The following CDIN1 variants were observed in gnomAD, a reference collection of about 807,000 sequenced individuals.
The protein encoded by CDIN1 is CDAN1 interacting nuclease 1.
Under a neutral mutation model 45.3 loss-of-function variants are expected in CDIN1, and 33 were observed. The ratio of observed to expected loss-of-function variants is 0.73; its 90% CI spans 0.55 to 0.97. The LOEUF (loss-of-function observed/expected upper bound fraction) is 0.97, where lower values mean the gene tolerates loss of function less well. CDIN1 is among the 50% of genes least tolerant of loss of function. The pLI is 0.00. For missense variants in CDIN1, 303 were observed against 339.4 expected, an observed-to-expected ratio of 0.89 and a Z score of 0.84; for synonymous variants, 118 against 124.4, an observed-to-expected ratio of 0.95 and a Z score of 0.34.
chr15:36,792,960 T>C (rs966564369), intron 10 of CDIN1, among the ~76,000 whole-genome samples: 4 of 152,244 alleles, frequency 2.6e-5, no homozygotes, highest in Non-Finnish European at 1.5e-5. Flanking sequence ...TCCTGAACTT[T>C]CCTGCACCGT....
intron 1 of CDIN1, among the ~76,000 whole-genome samples, chr15:36,625,243 T>G (rs991160379): frequency 7.3e-5 from 11 of 150,928 alleles, no homozygotes. Context: ...ATTGCGCCAC[T>G]GCACTCCAGC....
chr15:36,754,094 T>G (rs144363131), intron 10 of CDIN1, among the ~76,000 whole-genome samples: 1 of 152,312 alleles, frequency 6.6e-6, no homozygotes, highest in East Asian at 1.9e-4. Flanking sequence ...TTGTACAGAC[T>G]TATGCGTGGG....
chr15:36,612,114 A>T (rs2038677429), intron 1 of CDIN1, among the ~76,000 whole-genome samples: 1 of 152,218 alleles, frequency 6.6e-6, no homozygotes, highest in East Asian at 1.9e-4. Context: ...CATGACTTCC[A>T]AGAACAGAGG....
At chr15:36,803,531 C>T (rs2055119409) in intron 10 of CDIN1, among the ~76,000 whole-genome samples, 1 of 152,088 alleles carries the variant, frequency 6.6e-6, no homozygotes, top group African/African-American at 2.4e-5. Context: ...TTAATGAAAG[C>T]CCAGCCTTGA....
chr15:36,670,160 A>G (rs2041395584), intron 5 of CDIN1, among the ~76,000 whole-genome samples: 1 of 152,068 alleles, frequency 6.6e-6, no homozygotes, highest in South Asian at 2.1e-4. Flanking sequence ...AGTCCCACTA[A>G]ACAACTTTTA....
intron 10 of CDIN1, among the ~76,000 whole-genome samples, chr15:36,726,222 T>C (rs2043619433): frequency 6.6e-6 from 1 of 152,208 alleles, no homozygotes; most frequent in South Asian, 2.1e-4. Context: ...ACATCTTTGT[T>C]TGAATCATTT....
intron 7 of CDIN1, among the ~76,000 whole-genome samples, chr15:36,692,442 T>A (rs1352148330): frequency 6.6e-6 from 1 of 152,180 alleles, no homozygotes; most frequent in East Asian, 1.9e-4. Flanking sequence ...AGTTTACAGG[T>A]ACAGAGTCAT....
chr15:36,750,782 C>G (rs2053439233), intron 10 of CDIN1, among the ~76,000 whole-genome samples: 1 of 152,076 alleles, frequency 6.6e-6, no homozygotes, highest in Admixed American at 6.5e-5. Flanking sequence ...TAAAGCTATA[C>G]TATAATTATA....
chr15:36,761,763 A>T (rs2053769457), intron 10 of CDIN1, among the ~76,000 whole-genome samples: 2 of 152,300 alleles, frequency 1.3e-5, no homozygotes, highest in South Asian at 4.2e-4. Context: ...TCCAGGAAAA[A>T]GTCTGAGCAA....
Position 36,784,420 on chromosome 15 carries a change from A to G in CDIN1, c.717-23904A>G, listed in dbSNP as rs1013495069. ...TAACAAGCAATAATTGCTCAAAGCAATTGTAAAGGACTACACATGTAACTC... is the reference window on the plus strand; with the variant it reads ...TAACAAGCAATAATTGCTCAAAGCAGTTGTAAAGGACTACACATGTAACTC... On this transcript the variant is annotated intron_variant, in intron 10 of 10. Coordinates refer to ENST00000566621, the MANE Select transcript of CDIN1 (RefSeq NM_001321759.2). Among the ~76,000 whole-genome samples the G allele has an allele frequency of 3.3e-5, 5 of 152,336 alleles. No homozygotes were observed. The South Asian group carries it at 1.0e-3, about 32-fold the overall frequency.
intron 8 of CDIN1, among the ~76,000 whole-genome samples, chr15:36,698,720 A>T (rs763356256): frequency 2.0e-4 from 30 of 152,290 alleles, no homozygotes; most frequent in Non-Finnish European, 4.4e-4. Context: ...CCAACTAAGC[A>T]GCATCATTGT....
At chr15:36,709,744 T>C (rs1414882918) in intron 9 of CDIN1, 112 bp from the exon 10 acceptor site, 3 of 708,764 alleles carry the variant, frequency 4.2e-6, no homozygotes, top group Non-Finnish European at 7.4e-6. Context: ...TAGATGATGG[T>C]AAGGGCTAAG....
intron 1 of CDIN1, among the ~76,000 whole-genome samples, chr15:36,584,835 C>T (rs1432653126): frequency 1.3e-5 from 2 of 152,208 alleles, no homozygotes; most frequent in African/African-American, 2.4e-5. Flanking sequence ...AAACTCCACA[C>T]AGACAGTGGC....
chr15:36,691,594 G>T, intron 5 of CDIN1, 91 bp from the exon 6 acceptor site: 2 of 728,918 alleles, frequency 2.7e-6, no homozygotes, highest in South Asian at 2.2e-5. Context: ...TTGTTTTCAT[G>T]GTTTGTGTAT....
intron 1 of CDIN1, among the ~76,000 whole-genome samples, chr15:36,607,789 CCAT>C (rs1421073261): frequency 1.3e-5 from 2 of 152,106 alleles, no homozygotes; most frequent in Admixed American, 6.5e-5. Flanking sequence ...ACTTGGGCAT[CCAT>C]CACCATTATC....
Position 36,810,161 on chromosome 15 carries a change from TA to T in CDIN1, c.*1711del, listed in dbSNP as rs2055350580. 1.3e-5 allele frequency: 2 copies of T among 152,206 alleles called. No homozygotes were observed. The highest frequency in any genetic ancestry group is 4.8e-5 in the African/African-American group (2 of 41,454). 9.4% of individuals were successfully genotyped at this position (152,206 alleles called of 1,614,324 possible). On this transcript the variant is annotated 3_prime_UTR_variant, in exon 11 of 11. Transcript: ENST00000566621. ...TCTGCACAGATGTTGAAAATCCTGT[TA>T]AACCCTTGTCAAGGATTTGTTTATT...
At chr15:36,618,011 C>A in intron 1 of CDIN1, 1 of 786,840 alleles carries the variant, frequency 1.3e-6, no homozygotes, top group Non-Finnish European at 2.3e-6. Context: ...CTTTATGCAG[C>A]CTGTATATAA....
At chr15:36,683,422 G>A (rs1446741762) in intron 5 of CDIN1, among the ~76,000 whole-genome samples, 2 of 84,086 alleles carry the variant, frequency 2.4e-5, no homozygotes, top group African/African-American at 4.8e-5. Context: ...GCTCTGTTCT[G>A]TTCCATTGAT....
At chr15:36,609,050 G>A (rs1484892104) in intron 1 of CDIN1, among the ~76,000 whole-genome samples, 4 of 152,068 alleles carry the variant, frequency 2.6e-5, no homozygotes, top group African/African-American at 4.8e-5. Context: ...GGGCTCTGTC[G>A]CCTAGGCTGG....
Sources: gnomAD v4.1 joint callset for allele counts (sites outside exome capture counted in the v4.1 genomes callset) on GRCh38, gnomAD v4.1.1 for gene constraint, MANE v1.5 for transcripts, NCBI Gene and HGNC (gene_info 2026-07-23, HGNC 2026-07-21) for gene names.